KRT72: variants seen among roughly 807,000 people sequenced by gnomAD.
The protein encoded by KRT72 is keratin 72.
In KRT72, 44 loss-of-function variants were observed where a neutral mutation model predicts 44.7. That is an observed-to-expected ratio of 0.98 (90% confidence interval 0.77 to 1.27). The LOEUF (loss-of-function observed/expected upper bound fraction) is 1.27. Ranked by LOEUF, KRT72 falls within the 50% of genes most tolerant of loss-of-function variation. The pLI is 0.00. For missense variants in KRT72, 736 were observed against 667.1 expected (o/e 1.10, Z -1.14); for synonymous variants, 302 against 280.4 (o/e 1.08, Z -0.77).
chr12:52,597,942 T>C (rs542133331), intron 2 of KRT72, among the ~76,000 whole-genome samples: 3 of 152,204 alleles, frequency 2.0e-5, no homozygotes, highest in African/African-American at 4.8e-5. Flanking sequence ...GGCCCAGAGA[T>C]AGCACTGCCC....
intron 1 of KRT72, among the ~76,000 whole-genome samples, chr12:52,600,078 G>A (rs1940364674): frequency 6.6e-6 from 1 of 152,136 alleles, no homozygotes; most frequent in African/African-American, 2.4e-5. Flanking sequence ...TGCCTCAGAA[G>A]CTCCAGAGAC....
chr12:52,591,716 TCCCTCTGC>T, intron 4 of KRT72, 88 bp from the exon 5 acceptor site: 1 of 1,289,162 alleles, frequency 7.8e-7, no homozygotes, highest in South Asian at 1.4e-5. Context: ...TTCCTCACTG[TCCCTCTGC>T]CTTTCCTCAG....
chr12:52,600,996 C>T (rs1940418921), intron 1 of KRT72, 31 bp downstream of exon 1: 2 of 1,606,300 alleles, frequency 1.2e-6, no homozygotes, highest in Non-Finnish European at 8.5e-7. Context: ...ATGCGCCCAA[C>T]GCAGGGACAG....
chr12:52,598,806 G>T, intron 2 of KRT72, 92 bp downstream of exon 2: 1 of 1,086,422 alleles, frequency 9.2e-7, no homozygotes, highest in Non-Finnish European at 1.4e-6. Context: ...CCCGGTATCA[G>T]CAAGGATCTC....
chr12:52,599,175 A>G, intron 1 of KRT72, 63 bp from the exon 2 acceptor site: 2 of 1,543,258 alleles, frequency 1.3e-6, no homozygotes, highest in Middle Eastern at 1.8e-4. Flanking sequence ...GAGTGGGGAA[A>G]GGGCCCCAAA....
intron 2 of KRT72, among the ~76,000 whole-genome samples, chr12:52,595,895 C>A (rs567011597): frequency 1.3e-4 from 20 of 152,110 alleles, no homozygotes; most frequent in African/African-American, 4.8e-4. Context: ...GAAACAAGTT[C>A]TTTTTGCAAG....
intron 6 of KRT72, among the ~76,000 whole-genome samples, chr12:52,588,230 C>T (rs1939857003): frequency 6.6e-6 from 1 of 152,218 alleles, no homozygotes; most frequent in African/African-American, 2.4e-5. Flanking sequence ...CTGCAGTGTA[C>T]AGGTTGTTTT....
At chr12:52,591,755 A>T (rs1940040387) in intron 4 of KRT72, 127 bp from the exon 5 acceptor site, 6 of 904,422 alleles carry the variant, frequency 6.6e-6, no homozygotes, top group Non-Finnish European at 1.0e-5. Flanking sequence ...CTGCCTCAGC[A>T]CCAGTGCCTG....
Position 52,591,500 on chromosome 12 carries a change from C to G in KRT72, c.927G>C (p.Lys309Asn), listed in dbSNP as rs1293269267. 5.0e-6 allele frequency: 8 copies of G among 1,614,012 alleles called. No homozygotes were observed. The African/African-American group carries it at 5.3e-5, about 11-fold the overall frequency. The change falls in exon 5 of 9, where the codon AAG becomes AAC. Residue 309 changes from lysine (K) to asparagine (N), a missense_variant. Lys to Asn is a moderately conservative substitution (Grantham distance 94). Transcript: ENST00000293745. ...VRAQYEEIAL[K>N]SKAEAETLYQ... Reference sequence around the variant, plus strand: ...ACAGGGTCTCAGCCTCGGCCTTGCTCTTTAGGGCAATCTCCTCGTACTGGG... The same window carrying G: ...ACAGGGTCTCAGCCTCGGCCTTGCTGTTTAGGGCAATCTCCTCGTACTGGG...
intron 8 of KRT72, 29 bp downstream of exon 8, chr12:52,586,917 G>T: frequency 1.2e-6 from 2 of 1,605,332 alleles, no homozygotes; most frequent in South Asian, 1.1e-5. Context: ...AGGTGACCAA[G>T]GGCAGAACTG....
chr12:52,599,176 G>A, intron 1 of KRT72, 64 bp from the exon 2 acceptor site: 1 of 1,543,378 alleles, frequency 6.5e-7, no homozygotes, highest in Non-Finnish European at 8.9e-7. Context: ...AGTGGGGAAA[G>A]GGCCCCAAAA....
chr12:52,587,559 C>A, intron 7 of KRT72, 72 bp downstream of exon 7: 2 of 1,527,908 alleles, frequency 1.3e-6, no homozygotes, highest in South Asian at 1.1e-5. Context: ...CAGGACCAAA[C>A]TGTTTGCCTT....
Position 52,585,803 on chromosome 12 carries a change from C to G in KRT72, c.*179G>C. ...CAAGAAGGAGGCCACTGAGAGAGCT[C>G]CTGACTGGACTCCTTGCATCGAAGC... On this transcript the variant is annotated 3_prime_UTR_variant, in exon 9 of 9. Coordinates refer to ENST00000293745, the MANE Select transcript of KRT72 (RefSeq NM_080747.3). 1.6e-6 allele frequency: 1 copy of G among 623,390 alleles called. No individual in the cohort carries two copies. The allele number at this position is 623,390 out of a possible 1,614,324, so 38.6% of individuals were successfully genotyped here. A position where few individuals can be genotyped will look rare whatever the true frequency, so the allele number is the denominator to read the frequency against.
chr12:52,588,712 A>G (rs1939881532), intron 6 of KRT72, among the ~76,000 whole-genome samples: 6 of 152,128 alleles, frequency 3.9e-5, no homozygotes, highest in Admixed American at 3.9e-4. Flanking sequence ...AATAAATAAA[A>G]TAGACTGGGC....
In KRT72 at chr12:52,601,378, G is replaced by T. The variant is rs1172861497; in HGVS notation, c.75C>A (p.Gly25=). The T allele has an allele frequency of 6.5e-7, 1 of 1,542,932 alleles. No homozygotes were observed. Among genetic ancestry groups the T allele is most frequent in the South Asian group, 1.2e-5 (1 of 84,084 alleles). Residue 25 remains glycine (G), a synonymous_variant, in exon 1 of 9, where the codon GGC becomes GGA. Transcript: ENST00000293745. The part of the protein sequence containing the change: ...GFSGCSAVLS[G]GIGSSSASFR... ...ATGAGGCGGAGCTGCTGCCGATCCC[G>T]CCAGAGAGGACCGCGGAGCAACCGC... is the stretch of plus-strand genomic sequence containing the variant.
chr12:52,591,539 A>C lies in KRT72; in HGVS notation c.888T>G (p.Ile296Met), dbSNP rs1033861618. The change falls in exon 5 of 9, where the codon ATT (isoleucine) becomes ATG (methionine). Residue 296 changes from isoleucine to methionine, a missense_variant. Transcript: ENST00000293745. The stretch of plus-strand genomic sequence containing the variant: ...CCTCGTACTGGGCACGGACCTCGGC[A>C]ATGATGCTGTCCAGGTCCAGATCCC... ...NNRDLDLDSI[I>M]AEVRAQYEEI... 1 of 1,614,094 alleles carries C rather than the reference A, an allele frequency of 6.2e-7. No individual in the cohort carries two copies. The highest frequency in any genetic ancestry group is 1.7e-5 in the Admixed American group (1 of 60,026).
chr12:52,586,322 AAG>A (rs1939745241), intron 8 of KRT72, 150 bp from the exon 9 acceptor site: 3 of 628,666 alleles, frequency 4.8e-6, no homozygotes, highest in East Asian at 5.6e-5. Context: ...TCAGTCTACT[AAG>A]AGATTTTTAT....
At position 52,590,875 on chromosome 12, in the gene KRT72, G is replaced by C. The variant is rs1383785396; in HGVS notation, c.1050C>G (p.Ile350Met). Residue 350 changes from isoleucine (I) to methionine (M), a missense_variant, in exon 6 of 9, where the codon ATC becomes ATG. Coordinates refer to ENST00000293745, the MANE Select transcript of KRT72 (RefSeq NM_080747.3). ...TCCCTATCTCTGAGCGGATCCTCTG[G>C]ATCAGGCGGTTGAGCTCAGAGATTT... ...KAEISELNRL[I>M]QRIRSEIGNV... 1 of 1,603,902 alleles carries C rather than the reference G, an allele frequency of 6.2e-7. No individual in the cohort carries two copies. The highest frequency in any genetic ancestry group is 2.2e-5 in the East Asian group (1 of 44,682).
chr12:52,598,039 A>G (rs1034982209), intron 2 of KRT72, among the ~76,000 whole-genome samples: 3 of 152,302 alleles, frequency 2.0e-5, no homozygotes, highest in South Asian at 4.2e-4. Flanking sequence ...GTTGGGCTCC[A>G]GTTCCCATCT....
Sources: allele counts gnomAD v4.1 joint callset (sites outside exome capture counted in the v4.1 genomes callset), GRCh38; gene constraint gnomAD v4.1.1; transcripts MANE v1.5; gene names NCBI Gene and HGNC (gene_info 2026-07-23, HGNC 2026-07-21).